The following ASMTL variants were observed in gnomAD, a reference collection of about 807,000 sequenced individuals.
ASMTL encodes probable bifunctional dTTP/UTP pyrophosphatase/methyltransferase protein.
In ASMTL, 57 loss-of-function variants were observed where a neutral mutation model predicts 60.3. The ratio of observed to expected loss-of-function variants is 0.95; its 90% CI spans 0.76 to 1.18. ASMTL has a LOEUF of 1.18. Ranked by LOEUF, ASMTL falls within the 50% of genes most tolerant of loss-of-function variation. ASMTL has a pLI of 0.00. For synonymous variants in ASMTL, 419 were observed against 373.0 expected, an observed-to-expected ratio of 1.12 and a Z score of -1.42; for missense variants, 981 against 852.6, an observed-to-expected ratio of 1.15 and a Z score of -1.88.
intron 3 of ASMTL, among the ~76,000 whole-genome samples, chrX:1,438,882 C>A (rs1302653437): frequency 6.6e-6 from 1 of 152,146 alleles, no homozygotes; most frequent in African/African-American, 2.4e-5. Context: ...CCACCTCGGC[C>A]TCCCAAAATG....
intron 5 of ASMTL, among the ~76,000 whole-genome samples, chrX:1,433,351 C>T (rs751188862): frequency 1.3e-5 from 2 of 151,556 alleles, no homozygotes; most frequent in Admixed American, 6.6e-5. Context: ...CGGATGATGT[C>T]GTTAATCCTG....
rs775518855 is a variant in ASMTL at position 1,427,963 on chromosome X, C to T, written c.668G>A (p.Ser223Asn). Reference protein sequence around the residue: ...YPPRPEDLRRSVKHDSIPAAD... With the variant: ...YPPRPEDLRRNVKHDSIPAAD... Reference sequence around the variant, plus strand: ...GGCCGGGATGGAGTCGTGCTTGACACTCCGCCGCAGGTCCTCCGGACGGGG... The same window carrying T: ...GGCCGGGATGGAGTCGTGCTTGACATTCCGCCGCAGGTCCTCCGGACGGGG... The change falls in exon 7 of 13, where the codon AGT (serine) becomes AAT (asparagine). Residue 223 changes from serine to asparagine, a missense_variant. Ser to Asn is a conservative substitution (Grantham distance 46). Coordinates refer to ENST00000381317, the MANE Select transcript of ASMTL (RefSeq NM_004192.4). The T allele has an allele frequency of 3.1e-6, 5 of 1,613,548 alleles. No homozygotes were observed. The highest frequency in any genetic ancestry group is 3.3e-5 in the Admixed American group (2 of 60,026).
chrX:1,435,118 C>A (rs1410823397), intron 4 of ASMTL, 35 bp from the exon 5 acceptor site: 21 of 1,610,838 alleles, frequency 1.3e-5, no homozygotes, highest in Non-Finnish European at 1.8e-5. Flanking sequence ...CGTGACCATG[C>A]TGTGACCCGT....
At chrX:1,425,458 G>C in intron 8 of ASMTL, 67 bp downstream of exon 8, 2 of 1,565,040 alleles carry the variant, frequency 1.3e-6, no homozygotes, top group Admixed American at 3.6e-5. Context: ...CCAGGCTCCA[G>C]GTCACCTTCC....
rs368558385 is a variant in ASMTL, at chrX:1,427,937, C to T, written c.694G>A (p.Ala232Thr). 15 of 1,613,330 alleles carry T rather than the reference C, an allele frequency of 9.3e-6. No individual in the cohort carries two copies. Among genetic ancestry groups the T allele is most frequent in the East Asian group, 6.7e-5 (3 of 44,890 alleles). Residue 232 changes from alanine to threonine, a missense_variant, in exon 7 of 13, where the codon GCG becomes ACG. Physicochemically the swap from Ala to Thr is moderately conservative, Grantham distance 58. Transcript: ENST00000381317. ...RSVKHDSIPA[A>T]DTFEDLSDVE... ...TCACTGAGGTCTTCGAAGGTGTCCG[C>T]GGCCGGGATGGAGTCGTGCTTGACA...
In ASMTL at chrX:1,403,529, G is replaced by C. The variant is rs762329282; in HGVS notation, c.1646-40C>G. ...AGAGAGCTGGAGTCCTGGCCAGCCA[G>C]GCGGGGATCCTTCAGCAGGACACAG... is the stretch of plus-strand genomic sequence containing the variant. On this transcript the variant is annotated intron_variant, in intron 12 of 12. Transcript: ENST00000381317. The C allele has an allele frequency of 1.8e-5, 28 of 1,587,184 alleles. No homozygotes were observed. The African/African-American group carries it at 2.0e-4, about 11-fold the overall frequency.
chrX:1,452,398 C>G (rs1286123206), intron 1 of ASMTL, among the ~76,000 whole-genome samples: 1 of 148,490 alleles, frequency 6.7e-6, no homozygotes, highest in South Asian at 2.2e-4. Flanking sequence ...CATGGGGCTC[C>G]GGGGTCACTC....
intron 7 of ASMTL, among the ~76,000 whole-genome samples, chrX:1,426,182 G>C (rs1164556703): frequency 6.6e-6 from 1 of 152,056 alleles, no homozygotes; most frequent in Non-Finnish European, 1.5e-5. Flanking sequence ...CCAGGAGAGA[G>C]GCCTCAGGAG....
At chrX:1,436,392 A>G (rs1486248794) in intron 3 of ASMTL, among the ~76,000 whole-genome samples, 16 of 148,476 alleles carry the variant, frequency 1.1e-4, no homozygotes, top group African/African-American at 2.8e-4. Context: ...TCGCTCTATC[A>G]CCCAGGCTGG....
chrX:1,436,352 T>TA (rs1414811976), intron 3 of ASMTL, among the ~76,000 whole-genome samples: 1 of 151,930 alleles, frequency 6.6e-6, no homozygotes, highest in Admixed American at 6.6e-5. Context: ...TTTTGTTATT[T>TA]TTTATTTATT....
Position 1,427,719 on chromosome X carries a change from G to A in ASMTL, c.897+15C>T. ...TCATTTGTGAAATGTGGCCTGAGGA[G>A]ACAGACACAGGTACCTTGGATAGCA... is the stretch of plus-strand genomic sequence containing the variant. On this transcript the variant is annotated intron_variant, in intron 7 of 12. Transcript: ENST00000381317. The A allele has an allele frequency of 6.3e-7, 1 of 1,590,908 alleles. No homozygotes were observed. Among genetic ancestry groups the A allele is most frequent in the South Asian group, 1.1e-5 (1 of 89,730 alleles).
chrX:1,430,038 G>A (rs2090727028), intron 6 of ASMTL, among the ~76,000 whole-genome samples: 1 of 150,166 alleles, frequency 6.7e-6, no homozygotes, highest in Admixed American at 6.7e-5. Context: ...TTTAAAAGAC[G>A]GAGTCTCGCT....
rs193149560 is a variant in ASMTL, at chrX:1,449,935, C to T, written c.93+2813G>A. Among the ~76,000 whole-genome samples, 421 of 150,922 alleles carry T rather than the reference C, an allele frequency of 2.8e-3. 2 individuals carry two copies. Among genetic ancestry groups the T allele is most frequent in the Non-Finnish European group, 3.3e-3 (223 of 67,666 alleles). Reference sequence around the variant, plus strand: ...TCCCACCATCACCAGTAACTAACCCCCACCACCAGTAAATATGCCCCATCA... The same window carrying T: ...TCCCACCATCACCAGTAACTAACCCTCACCACCAGTAAATATGCCCCATCA... On this transcript the variant is annotated intron_variant, in intron 1 of 12. Transcript: ENST00000381317.
chrX:1,411,183 CAA>C (rs1177614347), intron 12 of ASMTL, among the ~76,000 whole-genome samples: 3 of 145,646 alleles, frequency 2.1e-5, no homozygotes, highest in Non-Finnish European at 3.0e-5. Flanking sequence ...GACTCCGTCT[CAA>C]AAAAAAAAAA....
intron 3 of ASMTL, among the ~76,000 whole-genome samples, chrX:1,437,432 G>C (rs763828021): frequency 2.0e-5 from 3 of 149,840 alleles, no homozygotes; most frequent in Admixed American, 1.3e-4. Context: ...GTGTGGGCAG[G>C]GCTGGTTCCT....
At chrX:1,405,548 T>C in intron 12 of ASMTL, among the ~76,000 whole-genome samples, 1 of 148,608 alleles carries the variant, frequency 6.7e-6, no homozygotes, top group South Asian at 2.1e-4. Context: ...GGTAGACGGA[T>C]GGATGGATAG....
At chrX:1,419,832 C>T (rs1485899107) in intron 9 of ASMTL, among the ~76,000 whole-genome samples, 1 of 152,236 alleles carries the variant, frequency 6.6e-6, no homozygotes, top group African/African-American at 2.4e-5. Flanking sequence ...GATCTGTCCT[C>T]TGCGATGCCC....
Position 1,428,095 on chromosome X carries a change from T to TG in ASMTL, c.535dup (p.Gln179ProfsTer62), listed in dbSNP as rs1328042715. ...CTCCACCAGCATGCCGCCCAGGGCCTGGATCCCGTAGCCGCCAGCTTTGTC... is the reference window on the plus strand; with the variant it reads ...CTCCACCAGCATGCCGCCCAGGGCCTGGGATCCCGTAGCCGCCAGCTTTGTC... On this transcript the variant is annotated frameshift_variant, in exon 7 of 13. Coordinates refer to ENST00000381317, the MANE Select transcript of ASMTL (RefSeq NM_004192.4). LOFTEE classifies it high-confidence loss of function. 11 of 1,607,422 alleles carry TG rather than the reference T, an allele frequency of 6.8e-6. No individual in the cohort carries two copies. The highest frequency in any genetic ancestry group is 9.4e-6 in the Non-Finnish European group (11 of 1,174,786).
intron 7 of ASMTL, among the ~76,000 whole-genome samples, chrX:1,426,779 C>T (rs2090624310): frequency 6.6e-6 from 1 of 152,080 alleles, no homozygotes; most frequent in Non-Finnish European, 1.5e-5. Flanking sequence ...TCTTGAGATT[C>T]TTAATTACAT....
Sources: gnomAD v4.1 joint callset for allele counts (sites outside exome capture counted in the v4.1 genomes callset) on GRCh38, gnomAD v4.1.1 for gene constraint, MANE v1.5 for transcripts, NCBI Gene and HGNC (gene_info 2026-07-23, HGNC 2026-07-21) for gene names.